RYR2: variants seen among roughly 807,000 people sequenced by gnomAD.
RYR2 encodes ryanodine receptor 2.
Under a neutral mutation model 601.1 loss-of-function variants are expected in RYR2, and 227 were observed. The observed-to-expected ratio is 0.38, with a 90% CI of 0.34 to 0.42. The LOEUF (loss-of-function observed/expected upper bound fraction) is 0.42. Ranked by LOEUF, RYR2 falls within the 10% of genes least tolerant of loss-of-function variation. RYR2 has a pLI of 1.00. For synonymous variants in RYR2, 2,223 were observed against 2,175.1 expected, an observed-to-expected ratio of 1.02 and a Z score of -0.61; for missense variants, 4,646 against 6,156.5, an observed-to-expected ratio of 0.75 and a Z score of 8.21.
At chr1:237,591,716 G>A (rs367585319) in intron 31 of RYR2, 23 bp from the exon 32 acceptor site, 2 of 1,557,964 alleles carry the variant, frequency 1.3e-6, no homozygotes, top group South Asian at 1.1e-5. Flanking sequence ...GTTGCTTATT[G>A]TTAGTCCTCT....
At chr1:237,144,694 T>C (rs1419216236) in intron 1 of RYR2, among the ~76,000 whole-genome samples, 1 of 152,256 alleles carries the variant, frequency 6.6e-6, no homozygotes, top group African/African-American at 2.4e-5. Context: ...TTTTAATTTT[T>C]ATTTGTCTTC....
chr1:237,580,999 T>G (rs546818887), intron 29 of RYR2, among the ~76,000 whole-genome samples: 84 of 152,328 alleles, frequency 5.5e-4, no homozygotes, highest in African/African-American at 2.0e-3. Flanking sequence ...CTTATGGCAG[T>G]CTGAGCTGAC....
chr1:237,473,200 A>G (rs555594077), intron 17 of RYR2, among the ~76,000 whole-genome samples: 1 of 151,998 alleles, frequency 6.6e-6, no homozygotes, highest in East Asian at 1.9e-4. Flanking sequence ...GAGGTGGGCA[A>G]ATCAGCTGAG....
intron 12 of RYR2, among the ~76,000 whole-genome samples, chr1:237,431,734 T>C (rs3924864): frequency 0.12 from 17,634 of 152,106 alleles, 1,219 homozygotes; most frequent in East Asian, 0.24. Flanking sequence ...CTGGAGGCTC[T>C]CAGAGGGCAG....
At chr1:237,392,558 G>A (rs16835207) in intron 10 of RYR2, among the ~76,000 whole-genome samples, 4,619 of 152,092 alleles carry the variant, frequency 0.03, 84 homozygotes, top group African/African-American at 0.11. Context: ...TTTATGTGGA[G>A]AGTATTTTCT....
intron 25 of RYR2, among the ~76,000 whole-genome samples, chr1:237,536,437 G>A (rs1434377582): frequency 2.7e-5 from 4 of 150,064 alleles, no homozygotes; most frequent in African/African-American, 9.8e-5. Flanking sequence ...CCGGGTGGCC[G>A]GGCGTGGTGG....
intron 1 of RYR2, among the ~76,000 whole-genome samples, chr1:237,184,565 GAGTA>G (rs1199551614): frequency 2.0e-5 from 3 of 152,136 alleles, no homozygotes; most frequent in African/African-American, 7.2e-5. Flanking sequence ...GGTTTTGGCA[GAGTA>G]AATAGTCTTT....
chr1:237,618,184 G>T (rs1678686940), intron 38 of RYR2, among the ~76,000 whole-genome samples: 1 of 151,830 alleles, frequency 6.6e-6, no homozygotes, highest in Non-Finnish European at 1.5e-5. Context: ...ACTAATTACA[G>T]AATTTTTTTT....
At chr1:237,261,300 A>G (rs1467984993) in intron 1 of RYR2, among the ~76,000 whole-genome samples, 1 of 152,082 alleles carries the variant, frequency 6.6e-6, no homozygotes, top group African/African-American at 2.4e-5. Context: ...TACACTCTAC[A>G]TTTAGTACAT....
Position 237,095,267 on chromosome 1 carries a change from C to G in RYR2, c.48+52698C>G, listed in dbSNP as rs547217418. ...AACTGTGAAACTTGGATGATGTAAT[C>G]TAGGGTTGGGTACCGTACATTTCTA... On this transcript the variant is annotated intron_variant, in intron 1 of 104. Transcript: ENST00000366574. Among the ~76,000 whole-genome samples the G allele has an allele frequency of 3.6e-4, 55 of 152,258 alleles. 1 individual carries two copies. Among genetic ancestry groups the G allele is most frequent in the African/African-American group, 1.3e-3 (54 of 41,540 alleles).
At chr1:237,498,187 T>C (rs1014518251) in intron 20 of RYR2, among the ~76,000 whole-genome samples, 3 of 152,082 alleles carry the variant, frequency 2.0e-5, no homozygotes, top group Non-Finnish European at 4.4e-5. Context: ...TTTTTGTGAG[T>C]ACATAAAAGG....
intron 87 of RYR2, among the ~76,000 whole-genome samples, chr1:237,774,955 A>G (rs1694538492): frequency 6.7e-6 from 1 of 149,834 alleles, no homozygotes; most frequent in Non-Finnish European, 1.5e-5. Flanking sequence ...AGAAGCATCC[A>G]TTGAGCTCTT....
At chr1:237,594,886 G>GTTTTTTTTGTTTTGTTT (rs1675642723) in intron 33 of RYR2, among the ~76,000 whole-genome samples, 8 of 60,406 alleles carry the variant, frequency 1.3e-4, no homozygotes, top group Non-Finnish European at 2.1e-4. Context: ...ATATCACTGG[G>GTTTTTTTTGTTTTGTTT]TTTTTTTTTT....
Position 237,707,049 on chromosome 1 carries a change from C to T in RYR2, c.9681C>T (p.Arg3227=). 6.2e-7 allele frequency: 1 copy of T among 1,613,612 alleles called. No individual in the cohort carries two copies. The highest frequency in any genetic ancestry group is 8.5e-7 in the Non-Finnish European group (1 of 1,179,606). The change falls in exon 68 of 105, where the codon CGC becomes CGT. Residue 3227 remains arginine (R), a synonymous_variant. Transcript: ENST00000366574. ...EIVELAESGI[R]YTQMPHVMEV... is the part of the protein sequence containing the mutation. ...TGGAATTAGCCGAGTCCGGCATTCG[C>T]TACACTCAAATGCCACATGTCATGG...
intron 1 of RYR2, among the ~76,000 whole-genome samples, chr1:237,169,520 G>C (rs1024688553): frequency 1.0e-5 from 1 of 100,328 alleles, no homozygotes; most frequent in Non-Finnish European, 2.1e-5. Flanking sequence ...GGCTGGTCTC[G>C]AACTCCTGAC....
chr1:237,270,243 G>A, intron 1 of RYR2: 1 of 616,476 alleles, frequency 1.6e-6, no homozygotes, highest in South Asian at 1.5e-5. Flanking sequence ...AGTCAGTACA[G>A]TCAGAAAACT....
rs369410252 is a variant in RYR2, at chr1:237,678,452, A to G, written c.8895+340A>G. 6.6e-5 allele frequency among the ~76,000 whole-genome samples: 10 copies of G among 152,322 alleles called. No individual in the cohort carries two copies. In the East Asian group the frequency reaches 1.7e-3, roughly 26 times the overall value. ...TATGATTTAAAATTTCTAGTTGAGA[A>G]TTTCTTTTATAAATAGGAAAGTCTG... is the stretch of plus-strand genomic sequence containing the variant. On this transcript the variant is annotated intron_variant, in intron 61 of 104. Coordinates refer to ENST00000366574, the MANE Select transcript of RYR2 (RefSeq NM_001035.3).
At chr1:237,753,166 T>G (rs760367948) in intron 80 of RYR2, among the ~76,000 whole-genome samples, 1 of 152,230 alleles carries the variant, frequency 6.6e-6, no homozygotes, top group Non-Finnish European at 1.5e-5. Flanking sequence ...GTTTAAAATA[T>G]CTTTTCATCT....
Position 237,765,089 on chromosome 1 carries a change from C to T in RYR2, c.11476+4061C>T, listed in dbSNP as rs146911294. Reference sequence around the variant, plus strand: ...AGGAAATGTGTTAGTTTGTAATATGCTCAATGCTGTCTGTGCTGTATATTT... The same window carrying T: ...AGGAAATGTGTTAGTTTGTAATATGTTCAATGCTGTCTGTGCTGTATATTT... On this transcript the variant is annotated intron_variant, in intron 84 of 104. Coordinates refer to ENST00000366574, the MANE Select transcript of RYR2 (RefSeq NM_001035.3). Among the ~76,000 whole-genome samples, 24 of 151,540 alleles carry T rather than the reference C, an allele frequency of 1.6e-4. No individual in the cohort carries two copies. The East Asian group carries it at 4.1e-3, about 26-fold the overall frequency.
Sources: gnomAD v4.1 joint callset for allele counts (sites outside exome capture counted in the v4.1 genomes callset) on GRCh38, gnomAD v4.1.1 for gene constraint, MANE v1.5 for transcripts, NCBI Gene and HGNC (gene_info 2026-07-23, HGNC 2026-07-21) for gene names.